USH2A: variants seen among roughly 807,000 people sequenced by gnomAD.
USH2A encodes the protein Usher syndrome 2A (autosomal recessive, mild).
A neutral mutation model predicts 538.9 loss-of-function variants in USH2A; 443 were observed. That is an observed-to-expected ratio of 0.82 (90% CI 0.76 to 0.89). The LOEUF (loss-of-function observed/expected upper bound fraction) is 0.89, where lower values mean the gene tolerates loss of function less well. Ranked by LOEUF, USH2A falls within the 40% of genes least tolerant of loss-of-function variation. USH2A has a pLI of 0.00. For synonymous variants in USH2A, 2,413 were observed against 2,273.5 expected (o/e 1.06, Z -1.75); for missense variants, 6,633 against 6,324.8 (o/e 1.05, Z -1.65).
intron 71 of USH2A, among the ~76,000 whole-genome samples, 167 bp from the exon 72 acceptor site, chr1:215,626,037 T>G (rs1656012434): frequency 6.6e-6 from 1 of 151,996 alleles, no homozygotes; most frequent in South Asian, 2.1e-4. Flanking sequence ...ATTTCTCTTA[T>G]TGAAAGGATC....
chr1:216,042,288 AG>A (rs1415494632), intron 32 of USH2A, among the ~76,000 whole-genome samples: 1 of 152,054 alleles, frequency 6.6e-6, no homozygotes. Context: ...TCAATATGAC[AG>A]GATTCTCAGG....
chr1:216,300,021 T>C (rs985973756), intron 9 of USH2A, among the ~76,000 whole-genome samples: 3 of 152,348 alleles, frequency 2.0e-5, no homozygotes, highest in East Asian at 1.9e-4. Context: ...TTGTAGTCTA[T>C]TCTTTGATTA....
chr1:215,831,669 C>A (rs930977174), intron 47 of USH2A, among the ~76,000 whole-genome samples: 1 of 151,898 alleles, frequency 6.6e-6, no homozygotes, highest in African/African-American at 2.4e-5. Flanking sequence ...AAGTGCAATG[C>A]AACATTTCAA....
intron 22 of USH2A, among the ~76,000 whole-genome samples, chr1:216,094,403 T>C (rs2032388327): frequency 6.6e-6 from 1 of 152,172 alleles, no homozygotes; most frequent in Non-Finnish European, 1.5e-5. Context: ...TCTTCAGAAC[T>C]TTTAATTCAC....
chr1:215,675,174 G>A lies in USH2A; in HGVS notation c.12737C>T (p.Ala4246Val), dbSNP rs758316503. ...CEYKIYTWNS[A>V]GHTCSSWNVV... ...ATTCCAAGAGCTACAGGTATGCCCA[G>A]CTGAATTCCAAGTGTAGATTTTATA... Residue 4246 changes from alanine to valine, a missense_variant, in exon 63 of 72, where the codon GCT becomes GTT. Transcript: ENST00000307340. The A allele has an allele frequency of 6.2e-7, 1 of 1,614,104 alleles. No individual in the cohort carries two copies. The highest frequency in any genetic ancestry group is 1.1e-5 in the South Asian group (1 of 91,074).
chr1:216,201,823 C>A (rs949679260), intron 16 of USH2A: 11 of 215,154 alleles, frequency 5.1e-5, no homozygotes, highest in Non-Finnish European at 1.1e-4. Flanking sequence ...CCAGAGGTCG[C>A]CTGGTTTTAC....
intron 46 of USH2A, among the ~76,000 whole-genome samples, chr1:215,843,942 C>T (rs1663768464): frequency 6.6e-6 from 1 of 152,088 alleles, no homozygotes. Flanking sequence ...AAAAACATCT[C>T]CACATTTACA....
rs2036052226 is a variant in USH2A at position 216,246,651 on chromosome 1, G to T, written c.2743C>A (p.Pro915Thr). The change falls in exon 13 of 72, where the codon CCA (proline) becomes ACA (threonine). Residue 915 changes from proline to threonine, a missense_variant. By Grantham distance (38) the Pro-to-Thr change is conservative (BLOSUM62 -1). Coordinates refer to ENST00000307340, the MANE Select transcript of USH2A (RefSeq NM_206933.4). Reference protein sequence around the residue: ...LGTLPGTICDPISGQCLCVPN... With the variant: ...LGTLPGTICDTISGQCLCVPN... ...ACACACAGGCACTGGCCACTGATTG[G>T]GTCACAAATGGTCCCAGGTAATGTC... 1 of 1,613,954 alleles carries T rather than the reference G, an allele frequency of 6.2e-7. No homozygotes were observed. Among genetic ancestry groups the T allele is most frequent in the South Asian group, 1.1e-5 (1 of 91,078 alleles).
chr1:215,771,245 C>T (rs745987987), intron 55 of USH2A, among the ~76,000 whole-genome samples: 2 of 151,826 alleles, frequency 1.3e-5, no homozygotes, highest in Admixed American at 6.6e-5. Flanking sequence ...ATAACAAAAA[C>T]GATGACATAA....
chr1:215,680,381 A>T lies in USH2A; in HGVS notation c.12067-5T>A, dbSNP rs774365783. On this transcript the variant is annotated splice_polypyrimidine_tract_variant and splice_region_variant and intron_variant, in intron 61 of 71. Coordinates refer to ENST00000307340, the MANE Select transcript of USH2A (RefSeq NM_206933.4). ...GTGGGCTTGATGGCTTGTTCCCTGT[A>T]AGAAAATTAACAGGTTAAGTTGTTG... 5 of 1,603,416 alleles carry T rather than the reference A, an allele frequency of 3.1e-6. No homozygotes were observed. The highest frequency in any genetic ancestry group is 4.2e-6 in the Non-Finnish European group (5 of 1,177,346).
In USH2A at chr1:216,190,237, T is replaced by C; in HGVS notation, c.4382A>G (p.Gln1461Arg). The C allele has an allele frequency of 1.2e-6, 2 of 1,612,440 alleles. No homozygotes were observed. Among genetic ancestry groups the C allele is most frequent in the Non-Finnish European group, 1.7e-6 (2 of 1,179,006 alleles). Residue 1461 changes from glutamine to arginine, a missense_variant, in exon 20 of 72, where the codon CAA becomes CGA. By Grantham distance (43) the Gln-to-Arg change is conservative (BLOSUM62 1). Transcript: ENST00000307340. Reference protein sequence around the residue: ...GCVTSASGAGQTLAAAPAQLR... With the variant: ...GCVTSASGAGRTLAAAPAQLR... ...AACTTGCTTACCTGCTGCTAAAGTTTGTCCTGCTCCCGAAGCACTGGTCAC... is the reference window on the plus strand; with the variant it reads ...AACTTGCTTACCTGCTGCTAAAGTTCGTCCTGCTCCCGAAGCACTGGTCAC...
chr1:216,131,943 A>T (rs2033385287), intron 21 of USH2A, among the ~76,000 whole-genome samples: 1 of 152,084 alleles, frequency 6.6e-6, no homozygotes, highest in Admixed American at 6.6e-5. Context: ...AGGCATGGTA[A>T]TTATCATCAC....
intron 21 of USH2A, among the ~76,000 whole-genome samples, chr1:216,149,879 C>A (rs951748136): frequency 6.6e-6 from 1 of 152,164 alleles, no homozygotes; most frequent in Non-Finnish European, 1.5e-5. Flanking sequence ...ACTGGGTTCA[C>A]CATTCCAGAA....
intron 27 of USH2A, among the ~76,000 whole-genome samples, chr1:216,077,586 T>TAA (rs2031793499): frequency 6.7e-6 from 1 of 148,932 alleles, no homozygotes; most frequent in African/African-American, 2.4e-5. Flanking sequence ...ATTATATATA[T>TAA]AATTATGTAT....
At chr1:216,349,573 C>T (rs181817145) in intron 4 of USH2A, among the ~76,000 whole-genome samples, 1 of 152,232 alleles carries the variant, frequency 6.6e-6, no homozygotes, top group East Asian at 1.9e-4. Flanking sequence ...CTCTGGTTGT[C>T]CTCACTGATA....
chr1:215,658,084 G>C (rs924705654), intron 64 of USH2A, among the ~76,000 whole-genome samples: 1 of 151,638 alleles, frequency 6.6e-6, no homozygotes, highest in East Asian at 1.9e-4. Context: ...ACAGGCGCAC[G>C]CCACCCCGCC....
In USH2A at chr1:215,845,933, A is replaced by G. The variant is rs771229463; in HGVS notation, c.8946T>C (p.His2982=). ...TGTTTGGCTTTAGGTGGCCAATGAC[A>G]TGAGAGTTTACATCTGGCAAGATTT... is the stretch of plus-strand genomic sequence containing the variant. The part of the protein sequence containing the change: ...SLKILPDVNS[H]VIGHLKPNTE... The change falls in exon 45 of 72, where the codon CAT becomes CAC. Residue 2982 remains histidine (H), a synonymous_variant. Coordinates refer to ENST00000307340, the MANE Select transcript of USH2A (RefSeq NM_206933.4). 18 of 1,613,836 alleles carry G rather than the reference A, an allele frequency of 1.1e-5. 1 individual carries two copies. The South Asian group carries it at 2.0e-4, about 18-fold the overall frequency.
intron 13 of USH2A, among the ~76,000 whole-genome samples, chr1:216,233,074 T>C (rs957838280): frequency 6.6e-6 from 1 of 152,166 alleles, no homozygotes; most frequent in Non-Finnish European, 1.5e-5. Flanking sequence ...AAAGTGCAGT[T>C]TGGACATTTC....
intron 11 of USH2A, among the ~76,000 whole-genome samples, chr1:216,254,446 G>A (rs541744176): frequency 2.6e-5 from 4 of 152,038 alleles, no homozygotes; most frequent in Non-Finnish European, 5.9e-5. Context: ...TCTTTGGTAC[G>A]ATCCTTCCAC....
Sources: gnomAD v4.1 joint callset for allele counts (sites outside exome capture counted in the v4.1 genomes callset) on GRCh38, gnomAD v4.1.1 for gene constraint, MANE v1.5 for transcripts, NCBI Gene and HGNC (gene_info 2026-07-23, HGNC 2026-07-21) for gene names.